The following MYO16 variants were observed in gnomAD, a reference collection of about 807,000 sequenced individuals.
MYO16 encodes the protein unconventional myosin-XVI.
Under a neutral mutation model 205.3 loss-of-function variants are expected in MYO16, and 94 were observed. The observed-to-expected ratio is 0.46, with a 90% confidence interval of 0.39 to 0.54. MYO16 has a LOEUF of 0.54. MYO16 is among the 20% of genes least tolerant of loss of function. MYO16 has a pLI of 0.00. For synonymous variants in MYO16, 988 were observed against 954.0 expected (o/e 1.04, Z -0.66); for missense variants, 2,315 against 2,387.5 (o/e 0.97, Z 0.63).
At position 109,022,519 on chromosome 13, in the gene MYO16, T is replaced by C. The variant is rs1308824608; in HGVS notation, c.2796+2608T>C. Among the ~76,000 whole-genome samples the C allele has an allele frequency of 4.9e-4, 65 of 133,308 alleles. 1 individual carries two copies. The highest frequency in any genetic ancestry group is 1.7e-3 in the African/African-American group (62 of 35,790). 87.5% of individuals were successfully genotyped at this position (133,308 alleles called of 152,430 possible). Reference sequence around the variant, plus strand: ...CAATATAAACATATGTATATATTTGTTATATATACAATATAAACATATGTA... The same window carrying C: ...CAATATAAACATATGTATATATTTGCTATATATACAATATAAACATATGTA... On this transcript the variant is annotated intron_variant, in intron 23 of 34. Transcript: ENST00000457511.
At chr13:109,128,768 G>GT (rs1172405612) in intron 31 of MYO16, among the ~76,000 whole-genome samples, 14,270 of 114,986 alleles carry the variant, frequency 0.12, 1,254 homozygotes, top group African/African-American at 0.19. Flanking sequence ...CACTTTTTTA[G>GT]TTTTTTTTTT....
rs768012718 is a variant in MYO16, at chr13:108,844,410, G to A, written c.1165G>A (p.Ala389Thr). The change falls in exon 10 of 35, where the codon GCA becomes ACA. Residue 389 changes from alanine to threonine, a missense_variant. Around this residue, in one of 3 missense-constraint regions of MYO16, gnomAD observed 1,213 missense variants for 1,274.4 expected, o/e 0.95. Transcript: ENST00000457511. ...LLEKDIMFKDATKGLCKQQSQ... is the reference protein window; with the variant it reads ...LLEKDIMFKDTTKGLCKQQSQ... ...GGAAAAAGACATTATGTTCAAAGAT[G>A]CAACAAAAGGTCTGTGTAAGCAGCA... The A allele has an allele frequency of 2.5e-6, 4 of 1,613,424 alleles. No individual in the cohort carries two copies. Among genetic ancestry groups the A allele is most frequent in the South Asian group, 2.2e-5 (2 of 91,026 alleles).
At chr13:108,498,347 T>G in the MYO16 span, among the ~76,000 whole-genome samples, 1 of 152,156 alleles carries the variant, frequency 6.6e-6, no homozygotes, top group African/African-American at 2.4e-5. Context: ...CACAGCTAGA[T>G]ATTGGCAAGG....
At chr13:109,163,434 C>A (rs913080991) in intron 32 of MYO16, among the ~76,000 whole-genome samples, 1 of 151,668 alleles carries the variant, frequency 6.6e-6, no homozygotes, top group Non-Finnish European at 1.5e-5. Context: ...GAGAGATAAG[C>A]TCTGGGGAGA....
chr13:108,977,644 G>A (rs1297154211), intron 20 of MYO16, among the ~76,000 whole-genome samples: 1 of 152,090 alleles, frequency 6.6e-6, no homozygotes, highest in Non-Finnish European at 1.5e-5. Context: ...GTGTATGTGA[G>A]GAGTTGATAG....
the MYO16 span, among the ~76,000 whole-genome samples, chr13:108,508,316 T>C: frequency 6.6e-6 from 1 of 152,126 alleles, no homozygotes; most frequent in African/African-American, 2.4e-5. Context: ...AGGAAGACTT[T>C]CACTAGTCAG....
chr13:108,959,287 G>A (rs1883494756), intron 17 of MYO16, among the ~76,000 whole-genome samples: 1 of 152,136 alleles, frequency 6.6e-6, no homozygotes. Flanking sequence ...TGCACTTGCT[G>A]CTGTGGTACT....
At chr13:108,791,077 A>G (rs1333143629) in intron 5 of MYO16, among the ~76,000 whole-genome samples, 1 of 152,250 alleles carries the variant, frequency 6.6e-6, no homozygotes, top group Non-Finnish European at 1.5e-5. Flanking sequence ...TTGCCAAAAT[A>G]AAATCACACA....
At chr13:108,788,262 C>T (rs975927296) in intron 5 of MYO16, among the ~76,000 whole-genome samples, 5 of 152,016 alleles carry the variant, frequency 3.3e-5, no homozygotes, top group South Asian at 2.1e-4. Flanking sequence ...CTGTCACCAC[C>T]GACTTACACT....
intron 17 of MYO16, among the ~76,000 whole-genome samples, chr13:108,960,107 C>G (rs1490395360): frequency 1.3e-5 from 2 of 151,794 alleles, no homozygotes; most frequent in Non-Finnish European, 2.9e-5. Context: ...ACCTCCATCT[C>G]TACAATTTTT....
intron 2 of MYO16, among the ~76,000 whole-genome samples, chr13:108,677,961 T>C (rs755973406): frequency 2.6e-5 from 4 of 152,234 alleles, no homozygotes; most frequent in Non-Finnish European, 4.4e-5. Context: ...CTGGTGATTT[T>C]CATAGGAAAA....
chr13:108,975,563 G>T (rs765568904), intron 20 of MYO16, among the ~76,000 whole-genome samples: 1 of 152,082 alleles, frequency 6.6e-6, no homozygotes, highest in Non-Finnish European at 1.5e-5. Flanking sequence ...TCTCAGGTAT[G>T]ATGAGGGAAT....
the MYO16 span, among the ~76,000 whole-genome samples, chr13:108,506,985 C>G: frequency 6.6e-6 from 1 of 152,026 alleles, no homozygotes; most frequent in Non-Finnish European, 1.5e-5. Context: ...ATGTTTTACA[C>G]TGATTTATGT....
In MYO16 at chr13:108,869,731, T is replaced by TAAAA. The variant is rs68025820; in HGVS notation, c.1425+3515_1425+3518dup. On this transcript the variant is annotated intron_variant, in intron 12 of 34. Coordinates refer to ENST00000457511, the MANE Select transcript of MYO16 (RefSeq NM_001198950.3). ...GGGCGACAGAGCGAGACTCCGTTTC[T>TAAAA]AAAAAAAAAAAAAAAAAAAAAAAAA... 3.4e-3 allele frequency among the ~76,000 whole-genome samples: 229 copies of TAAAA among 66,988 alleles called. 8 individuals carry two copies. Among genetic ancestry groups the TAAAA allele is most frequent in the Middle Eastern group, 9.8e-3 (1 of 102 alleles). The allele number at this position is 66,988 out of a possible 152,430, so 43.9% of individuals were successfully genotyped here.
At chr13:109,192,212 A>G (rs192942766) in intron 34 of MYO16, among the ~76,000 whole-genome samples, 2 of 152,366 alleles carry the variant, frequency 1.3e-5, no homozygotes, top group East Asian at 3.8e-4. Context: ...ATTGGAAAGA[A>G]GTGTCATGCA....
intron 23 of MYO16, among the ~76,000 whole-genome samples, chr13:109,033,071 A>C (rs1886595365): frequency 6.6e-6 from 1 of 152,162 alleles, no homozygotes; most frequent in African/African-American, 2.4e-5. Flanking sequence ...ATCTCTACAC[A>C]ATGCCCCTAA....
At chr13:108,548,650 T>C in the MYO16 span, among the ~76,000 whole-genome samples, 21 of 151,978 alleles carry the variant, frequency 1.4e-4, no homozygotes, top group Admixed American at 5.9e-4. Flanking sequence ...GTTAGTGTGA[T>C]GGTGTGGTGG....
chr13:108,635,789 C>T (rs145250798), intron 1 of MYO16, among the ~76,000 whole-genome samples: 4,566 of 152,160 alleles, frequency 0.03, 93 homozygotes, highest in Non-Finnish European at 0.046. Context: ...TATGAGCCAC[C>T]GTGCCCAGCC....
At chr13:108,668,642 A>G (rs746443516) in intron 2 of MYO16, among the ~76,000 whole-genome samples, 30 of 152,146 alleles carry the variant, frequency 2.0e-4, no homozygotes, top group Non-Finnish European at 3.7e-4. Flanking sequence ...GATACGGGGC[A>G]GGGACAGTGC....
Sources: allele counts gnomAD v4.1 joint callset (sites outside exome capture counted in the v4.1 genomes callset), GRCh38; gene constraint gnomAD v4.1.1; regional missense constraint gnomAD v4.1.1; transcripts MANE v1.5; gene names NCBI Gene and HGNC (gene_info 2026-07-23, HGNC 2026-07-21).